The following FARP1 variants were observed in gnomAD, a reference collection of about 807,000 sequenced individuals.
FARP1 encodes the protein FERM, ARHGEF and pleckstrin domain-containing protein 1.
A neutral mutation model predicts 128.8 loss-of-function variants in FARP1; 52 were observed. The observed-to-expected ratio is 0.40, with a 90% CI of 0.32 to 0.51. FARP1 has a LOEUF of 0.51. FARP1 is among the 20% of genes least tolerant of loss of function. FARP1 has a pLI of 0.45. For synonymous variants in FARP1, 580 were observed against 551.8 expected (o/e 1.05, Z -0.72); for missense variants, 1,333 against 1,367.9 (o/e 0.97, Z 0.40).
Position 98,393,715 on chromosome 13 carries a change from G to A in FARP1, c.1161G>A (p.Glu387=). The change falls in exon 12 of 27, where the codon GAG becomes GAA. Residue 387 remains glutamate (E), a synonymous_variant. Transcript: ENST00000319562. ...CAGAACTGAATTCGGAAGTGCTGGA[G>A]CAGGTCAGTGATGGCGCTGTCCTAT... is the stretch of plus-strand genomic sequence containing the variant. ...QPTELNSEVL[E]QSQQSTSLTF... is the part of the protein sequence containing the mutation. 2 of 1,612,602 alleles carry A rather than the reference G, an allele frequency of 1.2e-6. No individual in the cohort carries two copies. Among genetic ancestry groups the A allele is most frequent in the Non-Finnish European group, 1.7e-6 (2 of 1,178,688 alleles).
chr13:98,345,433 C>T (rs1295607977), intron 3 of FARP1: 1 of 152,242 alleles, frequency 6.6e-6, no homozygotes, highest in Non-Finnish European at 1.5e-5. Flanking sequence ...CTTCTGTTAA[C>T]CATAGGTGCT....
At chr13:98,403,154 A>G (rs1890840785) in intron 13 of FARP1, 1 of 151,392 alleles carries the variant, frequency 6.6e-6, no homozygotes, top group East Asian at 1.9e-4. Flanking sequence ...TCTAGAATAC[A>G]GTGATCCTAT....
chr13:98,270,636 A>G (rs73556868), intron 2 of FARP1, among the ~76,000 whole-genome samples: 4,491 of 152,260 alleles, frequency 0.029, 194 homozygotes, highest in African/African-American at 0.098. Flanking sequence ...GCTTCATGAT[A>G]GCCTGACTGA....
intron 2 of FARP1, among the ~76,000 whole-genome samples, chr13:98,309,054 T>G (rs931756597): frequency 2.2e-4 from 33 of 151,828 alleles, no homozygotes; most frequent in African/African-American, 8.0e-4. Context: ...CACATGATCT[T>G]GTTGGCAATT....
chr13:98,309,762 G>A (rs558377083), intron 2 of FARP1, among the ~76,000 whole-genome samples: 20 of 152,360 alleles, frequency 1.3e-4, no homozygotes, highest in African/African-American at 4.6e-4. Context: ...ATGCGGAACT[G>A]TGCCTGTGTA....
At chr13:98,435,759 C>G in intron 19 of FARP1, 53 bp downstream of exon 19, 1 of 1,586,926 alleles carries the variant, frequency 6.3e-7, no homozygotes, top group Admixed American at 1.7e-5. Flanking sequence ...AAGGAGGCAT[C>G]GGAGGGACTT....
chr13:98,357,773 T>A (rs1888698988), intron 3 of FARP1, among the ~76,000 whole-genome samples: 1 of 152,236 alleles, frequency 6.6e-6, no homozygotes, highest in East Asian at 1.9e-4. Context: ...ACCTGATTTT[T>A]AAAAATTGGA....
chr13:98,319,858 C>T (rs908809532), intron 2 of FARP1, among the ~76,000 whole-genome samples: 4 of 149,556 alleles, frequency 2.7e-5, no homozygotes, highest in Non-Finnish European at 6.0e-5. Context: ...AAACAACAGA[C>T]TTTTTTTTTT....
intron 2 of FARP1, among the ~76,000 whole-genome samples, chr13:98,334,512 A>T (rs1887657107): frequency 6.6e-6 from 1 of 152,146 alleles, no homozygotes; most frequent in Non-Finnish European, 1.5e-5. Flanking sequence ...TAGGTACTTT[A>T]TGGTCATGGT....
chr13:98,204,173 G>A (rs1407480571), intron 1 of FARP1: 1 of 152,244 alleles, frequency 6.6e-6, no homozygotes, highest in African/African-American at 2.4e-5. Context: ...AGATGTCACA[G>A]CCAGATGGCC....
At chr13:98,311,841 T>G (rs1342459988) in intron 2 of FARP1, among the ~76,000 whole-genome samples, 2 of 125,340 alleles carry the variant, frequency 1.6e-5, no homozygotes, top group African/African-American at 5.2e-5. Context: ...TGTTTTTTTT[T>G]GTTGTTTTTT....
chr13:98,211,817 A>G (rs1294138826), intron 1 of FARP1, among the ~76,000 whole-genome samples: 1 of 152,238 alleles, frequency 6.6e-6, no homozygotes, highest in East Asian at 1.9e-4. Flanking sequence ...GCAGCCACAT[A>G]TAAATATACT....
chr13:98,393,521 T>A (rs1339372173), intron 11 of FARP1, 122 bp from the exon 12 acceptor site: 1 of 720,310 alleles, frequency 1.4e-6, no homozygotes, highest in Non-Finnish European at 2.5e-6. Context: ...CGGCTCTGGG[T>A]ACCATCATTA....
At chr13:98,419,481 A>ACACACAC (rs1555294275) in intron 16 of FARP1, among the ~76,000 whole-genome samples, 4 of 64,858 alleles carry the variant, frequency 6.2e-5, no homozygotes, top group African/African-American at 2.7e-4. Flanking sequence ...TCCAAAAAAA[A>ACACACAC]ATACACACAC....
chr13:98,202,979 C>T (rs1045089365), intron 1 of FARP1, among the ~76,000 whole-genome samples: 3 of 152,172 alleles, frequency 2.0e-5, no homozygotes, highest in African/African-American at 7.2e-5. Flanking sequence ...CTCAGCCTCC[C>T]AAAATGTTGG....
Position 98,176,418 on chromosome 13 carries a change from AT to A in FARP1, c.-24+32927del, listed in dbSNP as rs771437938. Reference sequence around the variant, plus strand: ...CCAGCGCGCAGCTCTCGCAGAAATAATGCCTGCACTTGGTGACGACTGGGTT... The same window carrying A: ...CCAGCGCGCAGCTCTCGCAGAAATAAGCCTGCACTTGGTGACGACTGGGTT... On this transcript the variant is annotated intron_variant, in intron 1 of 26. Coordinates refer to ENST00000319562, the MANE Select transcript of FARP1 (RefSeq NM_005766.4). This position sits in a 1 kb window ranked among gnomAD's most constrained non-coding sequence, Gnocchi z 6.2. 6.2e-7 allele frequency: 1 copy of A among 1,614,204 alleles called. No homozygotes were observed. The highest frequency in any genetic ancestry group is 1.7e-5 in the Admixed American group (1 of 60,028).
intron 2 of FARP1, among the ~76,000 whole-genome samples, chr13:98,255,852 A>C (rs1393272937): frequency 6.6e-6 from 1 of 152,218 alleles, no homozygotes; most frequent in Non-Finnish European, 1.5e-5. Context: ...AAGTTCTCTT[A>C]TGACTGCAAG....
chr13:98,387,650 C>T (rs1409884809), intron 8 of FARP1, among the ~76,000 whole-genome samples: 1 of 152,194 alleles, frequency 6.6e-6, no homozygotes, highest in Non-Finnish European at 1.5e-5. Flanking sequence ...GTTGTTTCTC[C>T]ACCTTGGATG....
chr13:98,150,725 G>A (rs1178819265), intron 1 of FARP1, among the ~76,000 whole-genome samples: 1 of 152,058 alleles, frequency 6.6e-6, no homozygotes, highest in African/African-American at 2.4e-5. Flanking sequence ...GAACACTTTT[G>A]TTCTTACCTA....
Sources: allele counts gnomAD v4.1 joint callset (sites outside exome capture counted in the v4.1 genomes callset), GRCh38; gene constraint gnomAD v4.1.1; non-coding constraint Gnocchi (gnomAD v3.1); transcripts MANE v1.5; gene names NCBI Gene and HGNC (gene_info 2026-07-23, HGNC 2026-07-21).